Variants in FSD1L observed in about 807,000 individuals in gnomAD.
FSD1L encodes the protein fibronectin type III and SPRY domain containing 1 like.
In FSD1L, 45 loss-of-function variants were observed where a neutral mutation model predicts 71.6. The observed-to-expected ratio is 0.63, with a 90% CI of 0.49 to 0.81. The LOEUF (loss-of-function observed/expected upper bound fraction) is 0.81. Among genes scored for constraint, FSD1L ranks in the 30% least tolerant of loss-of-function variants. FSD1L has a pLI of 0.00. For missense variants in FSD1L, 561 were observed against 618.1 expected (o/e 0.91, Z 0.98); for synonymous variants, 197 against 207.2 (o/e 0.95, Z 0.42).
At chr9:105,461,374 T>A in intron 1 of FSD1L, 146 bp from the exon 2 acceptor site, 1 of 425,796 alleles carries the variant, frequency 2.3e-6, no homozygotes, top group Non-Finnish European at 4.1e-6. Context: ...AAAGAAAAAC[T>A]CATTAATTGT....
At chr9:105,483,726 C>G (rs1832356487) in intron 6 of FSD1L, among the ~76,000 whole-genome samples, 1 of 152,068 alleles carries the variant, frequency 6.6e-6, no homozygotes, top group Non-Finnish European at 1.5e-5. Flanking sequence ...CTGTTACTTC[C>G]ATGGCATATA....
rs1837221035 is a variant in FSD1L at position 105,550,483 on chromosome 9, T to A, written c.*4000T>A. On this transcript the variant is annotated 3_prime_UTR_variant, in exon 14 of 14. Transcript: ENST00000481272. ...TTATAAGAGATCATGAATGTTTCCT[T>A]AATTATCATGGCAAGATTACCTCAC... is the stretch of plus-strand genomic sequence containing the variant. The A allele has an allele frequency of 6.6e-6, 1 of 152,048 alleles. No individual in the cohort carries two copies. Among genetic ancestry groups the A allele is most frequent in the South Asian group, 2.1e-4 (1 of 4,824 alleles). The allele number at this position is 152,048 out of a possible 1,614,324, so 9.4% of individuals were successfully genotyped here.
chr9:105,453,741 A>G (rs564421380), intron 1 of FSD1L, among the ~76,000 whole-genome samples: 68 of 152,288 alleles, frequency 4.5e-4, no homozygotes, highest in African/African-American at 1.6e-3. Context: ...AAAAAATTTT[A>G]ACATAGTGCT....
At chr9:105,534,636 G>C (rs2131491178) in intron 11 of FSD1L, 43 bp downstream of exon 11, 1 of 1,138,002 alleles carries the variant, frequency 8.8e-7, no homozygotes, top group Non-Finnish European at 1.3e-6. Context: ...CAGATTAAAG[G>C]CATCACAATC....
At chr9:105,461,466 C>T in intron 1 of FSD1L, 54 bp from the exon 2 acceptor site, 3 of 793,250 alleles carry the variant, frequency 3.8e-6, no homozygotes, top group Admixed American at 3.0e-5. Flanking sequence ...CCTGTTTTTC[C>T]TTTACTTTTT....
rs11789094 is a variant in FSD1L, at chr9:105,515,646, C to T, written c.1025+2710C>T. 7.1e-3 allele frequency among the ~76,000 whole-genome samples: 1,084 copies of T among 152,212 alleles called. 7 individuals are homozygous for T. Among genetic ancestry groups the T allele is most frequent in the Non-Finnish European group, 0.013 (853 of 67,998 alleles). On this transcript the variant is annotated intron_variant, in intron 10 of 13. Coordinates refer to ENST00000481272, the MANE Select transcript of FSD1L (RefSeq NM_001145313.3). ...ACAGAGCCTGAGGAACGGTGCACTC[C>T]GGTTCAGATACTGCACTTTTCCCAC...
chr9:105,529,142 G>T (rs1380209555), intron 10 of FSD1L, among the ~76,000 whole-genome samples: 1 of 152,214 alleles, frequency 6.6e-6, no homozygotes, highest in Non-Finnish European at 1.5e-5. Context: ...AGGATGTGGA[G>T]AAATAGGAAC....
At chr9:105,455,589 A>G (rs1469780457) in intron 1 of FSD1L, among the ~76,000 whole-genome samples, 1 of 152,194 alleles carries the variant, frequency 6.6e-6, no homozygotes, top group African/African-American at 2.4e-5. Context: ...CCTAGGGTAC[A>G]GGCTCTGGAG....
upstream of FSD1L, among the ~76,000 whole-genome samples, chr9:105,444,315 C>G (rs534431064): frequency 6.6e-6 from 1 of 152,152 alleles, no homozygotes; most frequent in Non-Finnish European, 1.5e-5. Flanking sequence ...CTATTCTGAT[C>G]GGTATGTTAC....
chr9:105,542,946 A>G (rs1000550884), intron 13 of FSD1L, among the ~76,000 whole-genome samples: 3 of 152,166 alleles, frequency 2.0e-5, no homozygotes, highest in Non-Finnish European at 2.9e-5. Flanking sequence ...GCTTAACTCA[A>G]GGTCACAAAG....
At chr9:105,451,957 A>G (rs912641292) in intron 1 of FSD1L, among the ~76,000 whole-genome samples, 1 of 152,168 alleles carries the variant, frequency 6.6e-6, no homozygotes, top group African/African-American at 2.4e-5. Flanking sequence ...AGCTCAGAGG[A>G]AGGAAGTCAC....
At chr9:105,453,887 T>C (rs1225688602) in intron 1 of FSD1L, among the ~76,000 whole-genome samples, 2 of 152,232 alleles carry the variant, frequency 1.3e-5, no homozygotes. Context: ...CTCCAGACTT[T>C]TAAAAATATG....
chr9:105,530,623 C>G, intron 10 of FSD1L: 1 of 677,736 alleles, frequency 1.5e-6, no homozygotes, highest in Non-Finnish European at 2.7e-6. Context: ...CTATTTGTTG[C>G]CCTGAGTTAC....
chr9:105,474,097 A>G (rs1208043271), intron 5 of FSD1L, among the ~76,000 whole-genome samples: 2 of 152,178 alleles, frequency 1.3e-5, no homozygotes, highest in African/African-American at 2.4e-5. Context: ...CAGTTTCATC[A>G]TTGTGGGAAC....
intron 7 of FSD1L, among the ~76,000 whole-genome samples, chr9:105,502,882 A>C (rs577224639): frequency 5.4e-4 from 79 of 146,596 alleles, no homozygotes; most frequent in Admixed American, 1.7e-3. Flanking sequence ...AACTGTAATA[A>C]GATTTTTTTT....
chr9:105,522,367 A>G (rs1006611691), intron 10 of FSD1L: 66 of 1,614,024 alleles, frequency 4.1e-5, no homozygotes, highest in Admixed American at 2.0e-4. Flanking sequence ...GGAGTTGGAC[A>G]TGAATTTCAG....
chr9:105,535,815 G>C lies in FSD1L; in HGVS notation c.1378+497G>C, dbSNP rs140771160. On this transcript the variant is annotated intron_variant, in intron 12 of 13. Transcript: ENST00000481272. ...CAAAAATTAAAAAAAAATTCAAGAA[G>C]ATACCAGAGCCATATTTTCTACTAT... Among the ~76,000 whole-genome samples the C allele has an allele frequency of 5.6e-3, 847 of 151,964 alleles. 10 individuals are homozygous for C. Among genetic ancestry groups the C allele is most frequent in the African/African-American group, 0.02 (821 of 41,440 alleles).
At chr9:105,492,381 T>G (rs1379251700) in intron 7 of FSD1L, among the ~76,000 whole-genome samples, 6 of 152,202 alleles carry the variant, frequency 3.9e-5, no homozygotes, top group Non-Finnish European at 7.3e-5. Context: ...TATTTGATTC[T>G]TCTCTCTTTT....
intron 10 of FSD1L, chr9:105,525,827 AAAAC>A (rs1294242534): frequency 2.5e-6 from 4 of 1,605,774 alleles, no homozygotes; most frequent in Non-Finnish European, 2.6e-6. Flanking sequence ...GGACTACAAA[AAAAC>A]AAAAGCACTG....
Sources: gnomAD v4.1 joint callset for allele counts (sites outside exome capture counted in the v4.1 genomes callset) on GRCh38, gnomAD v4.1.1 for gene constraint, MANE v1.5 for transcripts, NCBI Gene and HGNC (gene_info 2026-07-23, HGNC 2026-07-21) for gene names.